Variants in RGS6 observed in about 807,000 individuals in gnomAD.
RGS6 encodes the protein regulator of G protein signaling 6, also known as regulator of G-protein signaling 6.
RGS6 carries 30 observed loss-of-function variants against 78.5 expected under a neutral mutation model. The observed-to-expected ratio is 0.38, with a 90% CI of 0.29 to 0.52. The LOEUF is 0.52. RGS6 is among the 20% of genes least tolerant of loss of function. The pLI is 0.85. For synonymous variants in RGS6, 206 were observed against 206.0 expected (o/e 1.00, Z 0.00); for missense variants, 495 against 609.7 (o/e 0.81, Z 1.98).
chr14:72,215,540 C>T lies in RGS6; in HGVS notation c.85-136555C>T, dbSNP rs555559737. ...CAAAAGAGGCAGGGTCATTTATAAC[C>T]TGATGCGTCCACCCTACTGCTGTGT... On this transcript the variant is annotated intron_variant, in intron 2 of 17. Coordinates refer to ENST00000553525, the MANE Select transcript of RGS6 (RefSeq NM_001204424.2). Among the ~76,000 whole-genome samples, 103 of 152,286 alleles carry T rather than the reference C, an allele frequency of 6.8e-4. 1 individual carries two copies. The highest frequency in any genetic ancestry group is 6.2e-3 in the East Asian group (32 of 5,184).
At chr14:71,896,270 A>G in the RGS6 span, among the ~76,000 whole-genome samples, 82 of 152,350 alleles carry the variant, frequency 5.4e-4, 1 homozygote, top group African/African-American at 1.7e-3. Flanking sequence ...TAGACAGAGC[A>G]GCCCCGAGGG....
In RGS6 at chr14:71,964,880, G is replaced by A. The variant is rs2093421460; in HGVS notation, c.84+5G>A. ...AACATGATCGTTTACTGCAAAGTAAGGCGCCTGGTCAAGTGCCGTGCGTGC... is the reference window on the plus strand; with the variant it reads ...AACATGATCGTTTACTGCAAAGTAAAGCGCCTGGTCAAGTGCCGTGCGTGC... On this transcript the variant is annotated splice_donor_5th_base_variant and intron_variant, in intron 2 of 17. Coordinates refer to ENST00000553525, the MANE Select transcript of RGS6 (RefSeq NM_001204424.2). The A allele has an allele frequency of 6.2e-7, 1 of 1,612,640 alleles. No homozygotes were observed. Among genetic ancestry groups the A allele is most frequent in the Non-Finnish European group, 8.5e-7 (1 of 1,179,060 alleles).
chr14:72,008,229 G>A (rs117733659), intron 2 of RGS6, among the ~76,000 whole-genome samples: 2,195 of 152,258 alleles, frequency 0.014, 20 homozygotes, highest in Non-Finnish European at 0.024. Context: ...TGCATGTTGG[G>A]TGCATGGGGC....
intron 2 of RGS6, among the ~76,000 whole-genome samples, chr14:72,193,485 C>T (rs933149816): frequency 6.6e-6 from 1 of 152,182 alleles, no homozygotes; most frequent in Non-Finnish European, 1.5e-5. Flanking sequence ...ATTTACTGAG[C>T]CCCAGTGTGT....
intron 2 of RGS6, among the ~76,000 whole-genome samples, chr14:72,127,846 C>A (rs1304981153): frequency 6.6e-6 from 1 of 152,172 alleles, no homozygotes. Flanking sequence ...CATCCCTGAC[C>A]CCTGGCAACT....
chr14:72,153,582 TAA>T (rs1024046646), intron 2 of RGS6, among the ~76,000 whole-genome samples: 2 of 152,078 alleles, frequency 1.3e-5, no homozygotes, highest in Non-Finnish European at 2.9e-5. Context: ...GGCTGAGAAA[TAA>T]AGAGAAAGAG....
chr14:72,326,343 T>C (rs1460550308), intron 2 of RGS6, among the ~76,000 whole-genome samples: 1 of 152,176 alleles, frequency 6.6e-6, no homozygotes, highest in African/African-American at 2.4e-5. Flanking sequence ...ATGAATAAAA[T>C]GCCCTGAAAG....
intron 2 of RGS6, among the ~76,000 whole-genome samples, chr14:72,097,827 C>T (rs1435477407): frequency 6.6e-6 from 1 of 152,120 alleles, no homozygotes; most frequent in Non-Finnish European, 1.5e-5. Flanking sequence ...CTCTGTATTC[C>T]TTCCTCAGAT....
At chr14:72,504,744 C>CTCCTTTCCTT (rs147085020) in intron 13 of RGS6, among the ~76,000 whole-genome samples, 12 of 148,394 alleles carry the variant, frequency 8.1e-5, no homozygotes, top group Admixed American at 2.0e-4. Context: ...CCCCTTCCCT[C>CTCCTTTCCTT]TCCTTTCCTT....
the RGS6 span, among the ~76,000 whole-genome samples, chr14:71,917,591 G>T: frequency 6.6e-6 from 1 of 152,146 alleles, no homozygotes; most frequent in Non-Finnish European, 1.5e-5. Context: ...GCAGCCCTGC[G>T]TGTGGCCCAC....
chr14:72,593,354 G>A, the RGS6 span, among the ~76,000 whole-genome samples: 1 of 151,952 alleles, frequency 6.6e-6, no homozygotes, highest in Non-Finnish European at 1.5e-5. Flanking sequence ...ATGCCTCATT[G>A]CTAAAGATTC....
rs1388304549 is a variant in RGS6 at position 72,352,178 on chromosome 14, C to T, written c.168C>T (p.Ile56=). ...CAGTCAAGAGCTTTCTCTCCAAAAT[C>T]CCCAGTGTCGTCACAGGTAACACCC... is the stretch of plus-strand genomic sequence containing the variant. The part of the protein sequence containing the change: ...IRTVKSFLSK[I]PSVVTGTDIV... The change falls in exon 3 of 18, where the codon ATC becomes ATT. Residue 56 remains isoleucine (I), a synonymous_variant. Transcript: ENST00000553525. The T allele has an allele frequency of 6.2e-7, 1 of 1,613,006 alleles. No homozygotes were observed. The highest frequency in any genetic ancestry group is 8.5e-7 in the Non-Finnish European group (1 of 1,179,398).
chr14:72,233,414 A>G (rs1306366200), intron 2 of RGS6, among the ~76,000 whole-genome samples: 1 of 152,178 alleles, frequency 6.6e-6, no homozygotes, highest in Non-Finnish European at 1.5e-5. Context: ...CAGTGCAGGC[A>G]TGGCTCAAGT....
rs557444616 is a variant in RGS6 at position 72,407,584 on chromosome 14, G to A, written c.185-46944G>A. ...GAGTGCTGTATTTTTTAACTGCCAC[G>A]TAATCCCCTCAAGGTCCGTGTTATT... On this transcript the variant is annotated intron_variant, in intron 3 of 17. Transcript: ENST00000553525. Among the ~76,000 whole-genome samples, 272 of 152,310 alleles carry A rather than the reference G, an allele frequency of 1.8e-3. 2 individuals carry two copies. Among genetic ancestry groups the A allele is most frequent in the African/African-American group, 6.4e-3 (265 of 41,562 alleles).
chr14:72,199,749 G>A (rs1599353771), intron 2 of RGS6, among the ~76,000 whole-genome samples: 1 of 152,166 alleles, frequency 6.6e-6, no homozygotes, highest in Non-Finnish European at 1.5e-5. Flanking sequence ...ATGTTATGAT[G>A]TACAGGGTCT....
At chr14:72,478,427 T>TA in intron 12 of RGS6, 98 bp downstream of exon 12, 1 of 859,930 alleles carries the variant, frequency 1.2e-6, no homozygotes, top group Non-Finnish European at 1.9e-6. Flanking sequence ...TGCCAAGAGT[T>TA]AGACTGTAGT....
intron 17 of RGS6, among the ~76,000 whole-genome samples, chr14:72,542,217 T>C (rs892679238): frequency 4.6e-5 from 7 of 152,214 alleles, no homozygotes; most frequent in African/African-American, 1.7e-4. Context: ...CATCCATCCA[T>C]GCTCCTCCTG....
chr14:72,483,040 G>C (rs2096412911), intron 12 of RGS6, among the ~76,000 whole-genome samples: 8 of 152,100 alleles, frequency 5.3e-5, no homozygotes, highest in Admixed American at 5.2e-4. Flanking sequence ...TGTGTTCTCT[G>C]GATACTTGAA....
At chr14:72,336,907 G>C (rs1208422129) in intron 2 of RGS6, among the ~76,000 whole-genome samples, 1 of 152,070 alleles carries the variant, frequency 6.6e-6, no homozygotes. Context: ...GCCTGTCTGT[G>C]TCTAAATTTC....
Sources: allele counts gnomAD v4.1 joint callset (sites outside exome capture counted in the v4.1 genomes callset), GRCh38; gene constraint gnomAD v4.1.1; transcripts MANE v1.5; gene names NCBI Gene and HGNC (gene_info 2026-07-23, HGNC 2026-07-21).